Variants in KHDRBS2 observed in about 807,000 individuals in gnomAD.
KHDRBS2 encodes the protein KH RNA binding domain containing, signal transduction associated 2.
KHDRBS2 carries 26 observed loss-of-function variants against 44.3 expected under a neutral mutation model. That is an observed-to-expected ratio of 0.59 (90% confidence interval 0.43 to 0.81). The LOEUF (loss-of-function observed/expected upper bound fraction) is 0.81. KHDRBS2 is among the 40% of genes least tolerant of loss of function. The pLI is 0.00. For synonymous variants in KHDRBS2, 194 were observed against 151.1 expected, an observed-to-expected ratio of 1.28 and a Z score of -2.08; for missense variants, 476 against 433.1, an observed-to-expected ratio of 1.10 and a Z score of -0.88.
intron 6 of KHDRBS2, among the ~76,000 whole-genome samples, chr6:61,877,720 G>A (rs1799633823): frequency 6.6e-6 from 1 of 151,982 alleles, no homozygotes; most frequent in African/African-American, 2.4e-5. Context: ...CTGTGTTTCA[G>A]TGATATTATA....
chr6:62,104,656 A>C (rs1422032155), intron 2 of KHDRBS2, among the ~76,000 whole-genome samples: 2 of 152,304 alleles, frequency 1.3e-5, no homozygotes, highest in East Asian at 3.9e-4. Flanking sequence ...ACAATCCATA[A>C]GGATAAGGGA....
chr6:62,136,794 C>T (rs1811620297), intron 2 of KHDRBS2, among the ~76,000 whole-genome samples: 1 of 152,068 alleles, frequency 6.6e-6, no homozygotes, highest in South Asian at 2.1e-4. Flanking sequence ...GCCATTTAGA[C>T]ACACAGCCAT....
At chr6:62,195,896 G>T in intron 1 of KHDRBS2, among the ~76,000 whole-genome samples, 1 of 152,194 alleles carries the variant, frequency 6.6e-6, no homozygotes, top group African/African-American at 2.4e-5. Flanking sequence ...CTAAACATTA[G>T]AAATAATGTT....
At chr6:61,721,616 TA>T (rs1772564971) in intron 7 of KHDRBS2, among the ~76,000 whole-genome samples, 1 of 128,944 alleles carries the variant, frequency 7.8e-6, no homozygotes, top group Non-Finnish European at 1.8e-5. Context: ...TTGTGATTTT[TA>T]TACATTGATT....
intron 3 of KHDRBS2, among the ~76,000 whole-genome samples, chr6:62,011,941 A>G (rs1371930143): frequency 6.6e-6 from 1 of 152,216 alleles, no homozygotes; most frequent in Non-Finnish European, 1.5e-5. Flanking sequence ...TGACTTAGGA[A>G]CAGATTTAGG....
intron 6 of KHDRBS2, among the ~76,000 whole-genome samples, chr6:61,788,887 A>G (rs1784217385): frequency 6.6e-6 from 1 of 151,292 alleles, no homozygotes; most frequent in Non-Finnish European, 1.5e-5. Context: ...TTAAAAATAT[A>G]TTTAACCCAA....
At chr6:62,106,953 A>C (rs558562053) in intron 2 of KHDRBS2, among the ~76,000 whole-genome samples, 1 of 152,116 alleles carries the variant, frequency 6.6e-6, no homozygotes, top group Non-Finnish European at 1.5e-5. Flanking sequence ...CAAAATAATA[A>C]GAGCCATCTA....
At chr6:61,839,254 A>G (rs1441391982) in intron 6 of KHDRBS2, among the ~76,000 whole-genome samples, 3 of 152,052 alleles carry the variant, frequency 2.0e-5, no homozygotes, top group Non-Finnish European at 4.4e-5. Context: ...TATAATTTGT[A>G]ATTATGTATT....
At chr6:61,939,239 C>T (rs1811641896) in intron 4 of KHDRBS2, among the ~76,000 whole-genome samples, 1 of 127,742 alleles carries the variant, frequency 7.8e-6, no homozygotes, top group South Asian at 2.4e-4. Flanking sequence ...AAAATACATG[C>T]TTAACATAGT....
chr6:61,801,056 T>C (rs1173499864), intron 6 of KHDRBS2, among the ~76,000 whole-genome samples: 1 of 152,170 alleles, frequency 6.6e-6, no homozygotes, highest in Non-Finnish European at 1.5e-5. Flanking sequence ...ACAGGAGCAA[T>C]AACAACAGTT....
In KHDRBS2 at chr6:62,175,470, A is replaced by G. The variant is rs1293470663; in HGVS notation, c.219+1715T>C. 3.3e-5 allele frequency among the ~76,000 whole-genome samples: 5 copies of G among 151,736 alleles called. No homozygotes were observed. In the East Asian group the frequency reaches 9.6e-4, roughly 29 times the overall value. ...ATGGTTCACCGAAAATGAAGAATCT[A>G]AAATTATAGTAACTGCACTAAAGAT... On this transcript the variant is annotated intron_variant, in intron 2 of 8. Transcript: ENST00000281156.
chr6:61,797,881 T>G (rs1785632442), intron 6 of KHDRBS2, among the ~76,000 whole-genome samples: 1 of 151,958 alleles, frequency 6.6e-6, no homozygotes, highest in South Asian at 2.1e-4. Context: ...AACTTTTATT[T>G]TAGGTTCAGG....
At chr6:61,848,543 A>G (rs12664970) in intron 6 of KHDRBS2, among the ~76,000 whole-genome samples, 7 of 56,706 alleles carry the variant, frequency 1.2e-4, no homozygotes, top group South Asian at 6.2e-4. Flanking sequence ...ATATATATGT[A>G]TATATATACA....
intron 2 of KHDRBS2, among the ~76,000 whole-genome samples, chr6:62,070,889 G>C (rs1461914409): frequency 6.6e-6 from 1 of 152,124 alleles, no homozygotes; most frequent in African/African-American, 2.4e-5. Flanking sequence ...GGTATTTCTA[G>C]TTCTAGATCC....
intron 6 of KHDRBS2, among the ~76,000 whole-genome samples, chr6:61,853,044 T>G (rs957260005): frequency 2.0e-5 from 3 of 152,220 alleles, no homozygotes; most frequent in African/African-American, 7.2e-5. Context: ...CTGTTGCCAT[T>G]GGATCTTGCC....
intron 2 of KHDRBS2, among the ~76,000 whole-genome samples, chr6:62,147,873 C>A (rs974340168): frequency 2.0e-5 from 3 of 151,928 alleles, no homozygotes; most frequent in African/African-American, 7.2e-5. Context: ...TAATTCATTT[C>A]AGCACTAAAA....
intron 4 of KHDRBS2, among the ~76,000 whole-genome samples, chr6:61,903,861 A>G (rs996853463): frequency 2.0e-4 from 31 of 152,176 alleles, no homozygotes; most frequent in Admixed American, 1.5e-3. Context: ...TCTCCCTGCC[A>G]TCATGTCCGA....
chr6:61,819,743 G>T (rs1194775480), intron 6 of KHDRBS2, among the ~76,000 whole-genome samples: 2 of 151,986 alleles, frequency 1.3e-5, no homozygotes, highest in Non-Finnish European at 2.9e-5. Flanking sequence ...AAATGAACAT[G>T]ATAATTGATG....
chr6:62,117,875 A>C (rs552798564), intron 2 of KHDRBS2, among the ~76,000 whole-genome samples: 15 of 152,110 alleles, frequency 9.9e-5, no homozygotes, highest in African/African-American at 3.6e-4. Flanking sequence ...TCCTCGGTTT[A>C]AGTGATTTTC....
Sources: allele counts gnomAD v4.1 joint callset (sites outside exome capture counted in the v4.1 genomes callset), GRCh38; gene constraint gnomAD v4.1.1; transcripts MANE v1.5; gene names NCBI Gene and HGNC (gene_info 2026-07-23, HGNC 2026-07-21).